VPS13C: variants seen among roughly 807,000 people sequenced by gnomAD.
The protein encoded by VPS13C is intermembrane lipid transfer protein VPS13C.
Under a neutral mutation model 456.8 loss-of-function variants are expected in VPS13C, and 358 were observed. The ratio of observed to expected loss-of-function variants is 0.78; its 90% confidence interval spans 0.72 to 0.86. The LOEUF (loss-of-function observed/expected upper bound fraction) is 0.86, where lower values mean the gene tolerates loss of function less well. VPS13C is among the 40% of genes least tolerant of loss of function. The pLI, the probability that VPS13C is intolerant of heterozygous loss-of-function variation, is 0.00. For missense variants in VPS13C, 4,818 were observed against 4,385.4 expected (o/e 1.10, Z -2.79); for synonymous variants, 1,578 against 1,486.7 (o/e 1.06, Z -1.41).
chr15:62,002,454 T>C (rs1454904146), intron 15 of VPS13C, among the ~76,000 whole-genome samples: 2 of 152,214 alleles, frequency 1.3e-5, no homozygotes, highest in Admixed American at 6.5e-5. Flanking sequence ...GAAAATTTTC[T>C]CCCATTTTGT....
Position 61,913,334 on chromosome 15 carries a change from G to C in VPS13C, c.8527C>G (p.Pro2843Ala). 6.2e-7 allele frequency: 1 copy of C among 1,614,014 alleles called. No homozygotes were observed. Among genetic ancestry groups the C allele is most frequent in the South Asian group, 1.1e-5 (1 of 91,068 alleles). Residue 2843 changes from proline to alanine, a missense_variant, in exon 62 of 85, where the codon CCT becomes GCT. By Grantham distance (27) the Pro-to-Ala change is conservative (BLOSUM62 -1). This residue lies in a region of VPS13C where 4,552 missense variants were observed against 4,130.6 expected (regional missense o/e 1.10). Coordinates refer to ENST00000644861, the MANE Select transcript of VPS13C (RefSeq NM_020821.3). The part of the protein sequence containing the change: ...TVGSYGCVKC[P>A]ANNMEYLVGV... ...ACCAGGTACTCCATATTGTTGGCAG[G>C]ACACTTCACACACCCATAACTTCCC... is the stretch of plus-strand genomic sequence containing the variant.
At chr15:61,924,868 C>A (rs2043792282) in intron 53 of VPS13C, among the ~76,000 whole-genome samples, 1 of 152,156 alleles carries the variant, frequency 6.6e-6, no homozygotes, top group Admixed American at 6.5e-5. Flanking sequence ...AAATAGATTG[C>A]AGAAAGTATT....
chr15:61,906,646 CTCTT>C (rs547182810), intron 66 of VPS13C: 25 of 153,036 alleles, frequency 1.6e-4, no homozygotes, highest in Admixed American at 4.5e-4. Flanking sequence ...ACTATTTAAA[CTCTT>C]TCATCATGGA....
Position 61,922,751 on chromosome 15 carries a change from T to C in VPS13C, c.6621A>G (p.Ile2207Met). The C allele has an allele frequency of 6.3e-7, 1 of 1,578,774 alleles. No homozygotes were observed. The highest frequency in any genetic ancestry group is 8.6e-7 in the Non-Finnish European group (1 of 1,167,212). Residue 2207 changes from isoleucine (I) to methionine (M), a missense_variant, in exon 54 of 85, where the codon ATA (isoleucine) becomes ATG (methionine). This residue lies in a region of VPS13C where 4,552 missense variants were observed against 4,130.6 expected (regional missense o/e 1.10). Coordinates refer to ENST00000644861, the MANE Select transcript of VPS13C (RefSeq NM_020821.3). ...VKEFIIKISP[I>M]ILNTVLTIMA... The stretch of plus-strand genomic sequence containing the variant: ...TGATTGTCAACACAGTATTAAGAAT[T>C]ATGGGTGAAATCTTTAAAAAAGAAA...
chr15:62,018,622 T>A (rs1190513755), intron 9 of VPS13C, among the ~76,000 whole-genome samples: 1 of 151,814 alleles, frequency 6.6e-6, no homozygotes, highest in Non-Finnish European at 1.5e-5. Flanking sequence ...CAGCCTTGCA[T>A]CCCAGGGATG....
chr15:61,980,268 A>G (rs2140380449), intron 22 of VPS13C, among the ~76,000 whole-genome samples: 1 of 151,578 alleles, frequency 6.6e-6, no homozygotes, highest in East Asian at 1.9e-4. Context: ...ACAAATCACA[A>G]TTAAAACAAT....
chr15:62,031,004 A>G (rs1484352665), intron 5 of VPS13C, among the ~76,000 whole-genome samples: 2 of 152,142 alleles, frequency 1.3e-5, no homozygotes, highest in African/African-American at 4.8e-5. Flanking sequence ...TGGCCTTACT[A>G]GGAATTTAAT....
chr15:62,058,217 G>A (rs900457952), intron 1 of VPS13C, among the ~76,000 whole-genome samples: 2 of 152,180 alleles, frequency 1.3e-5, no homozygotes, highest in Non-Finnish European at 1.5e-5. Context: ...ACTCCGGTGC[G>A]TTTTCAAGTT....
At chr15:61,949,988 G>A (rs1054948045) in intron 41 of VPS13C, among the ~76,000 whole-genome samples, 28 of 152,118 alleles carry the variant, frequency 1.8e-4, no homozygotes, top group African/African-American at 6.5e-4. Flanking sequence ...CTTGCTTTAT[G>A]CTTCAGTTAA....
At chr15:61,904,158 C>T (rs541723448) in intron 66 of VPS13C, among the ~76,000 whole-genome samples, 133 of 151,952 alleles carry the variant, frequency 8.8e-4, no homozygotes, top group African/African-American at 2.9e-3. Context: ...AAAGGCTTCA[C>T]GGCAAAGGAA....
At chr15:62,037,375 T>TAATA (rs2048084605) in intron 3 of VPS13C, among the ~76,000 whole-genome samples, 1 of 91,760 alleles carries the variant, frequency 1.1e-5, no homozygotes, top group Non-Finnish European at 2.1e-5. Context: ...TAATATATTA[T>TAATA]ATATAAATGT....
rs1293982801 is a variant in VPS13C at position 61,929,631 on chromosome 15, G to T, written c.6156C>A (p.Ala2052=). Residue 2052 remains alanine, a synonymous_variant, in exon 51 of 85, where the codon GCC becomes GCA. Transcript: ENST00000644861. ...DAVLDKLYVC[A]SVEFLMTVAD... ...CCACAGTCATCAGAAATTCCACACTGGCACATACATACAGCTTGTCAAGAA... is the reference window on the plus strand; with the variant it reads ...CCACAGTCATCAGAAATTCCACACTTGCACATACATACAGCTTGTCAAGAA... 1 of 1,613,854 alleles carries T rather than the reference G, an allele frequency of 6.2e-7. No individual in the cohort carries two copies. Among genetic ancestry groups the T allele is most frequent in the Non-Finnish European group, 8.5e-7 (1 of 1,179,990 alleles).
Position 62,060,326 on chromosome 15 carries a change from C to G in VPS13C, c.49G>C (p.Asp17His). The change falls in exon 1 of 85, where the codon GAC (aspartate) becomes CAC (histidine). Residue 17 changes from aspartate to histidine, a missense_variant. Asp to His is a moderately conservative substitution (Grantham distance 81). Transcript: ENST00000644861. ...GACTTGTTCAGGTTCTCCACATAGT[C>G]CCCCAGGAAGCGGTTCAGCAAGTCC... is the stretch of plus-strand genomic sequence containing the variant. ...VADLLNRFLG[D>H]YVENLNKSQL... 2 of 1,607,758 alleles carry G rather than the reference C, an allele frequency of 1.2e-6. No homozygotes were observed. The highest frequency in any genetic ancestry group is 1.1e-5 in the South Asian group (1 of 90,018).
At position 61,962,509 on chromosome 15, in the gene VPS13C, G is replaced by C; in HGVS notation, c.3465C>G (p.Phe1155Leu). Residue 1155 changes from phenylalanine to leucine, a missense_variant, in exon 34 of 85, where the codon TTC becomes TTG. Phe to Leu is a conservative substitution (Grantham distance 22, BLOSUM62 0). Coordinates refer to ENST00000644861, the MANE Select transcript of VPS13C (RefSeq NM_020821.3). ...CTGGATACAAATCCAAATTAAAACG[G>C]AAAACTTCATTTCCCATTATTGACA... is the stretch of plus-strand genomic sequence containing the variant. ...KAVSIMGNEV[F>L]RFNLDLYPDA... is the part of the protein sequence containing the mutation. 1 of 1,609,430 alleles carries C rather than the reference G, an allele frequency of 6.2e-7. No individual in the cohort carries two copies. Among genetic ancestry groups the C allele is most frequent in the Non-Finnish European group, 8.5e-7 (1 of 1,177,362 alleles).
At chr15:61,880,467 C>G in intron 73 of VPS13C, 142 bp downstream of exon 73, 1 of 535,308 alleles carries the variant, frequency 1.9e-6, no homozygotes, top group South Asian at 3.3e-5. Flanking sequence ...CTACAGAGAA[C>G]TGTCTTAATT....
intron 79 of VPS13C, among the ~76,000 whole-genome samples, chr15:61,870,857 G>A (rs955019279): frequency 6.6e-6 from 1 of 152,070 alleles, no homozygotes; most frequent in African/African-American, 2.4e-5. Flanking sequence ...TTTCCCTGTC[G>A]ACTAATGATG....
Position 61,973,544 on chromosome 15 carries a change from T to C in VPS13C, c.2539-12A>G, listed in dbSNP as rs1331382255. 1 of 1,604,448 alleles carries C rather than the reference T, an allele frequency of 6.2e-7. No homozygotes were observed. The highest frequency in any genetic ancestry group is 8.5e-7 in the Non-Finnish European group (1 of 1,172,298). ...GGAATTGAGGATACCTAGCAAAGAA[T>C]ACAAAAAGTTTTCTTAAAAAGGATG... On this transcript the variant is annotated splice_polypyrimidine_tract_variant and intron_variant, in intron 25 of 84. Coordinates refer to ENST00000644861, the MANE Select transcript of VPS13C (RefSeq NM_020821.3).
At chr15:62,028,242 T>C (rs952723258) in intron 6 of VPS13C, 116 bp downstream of exon 6, 7 of 1,078,750 alleles carry the variant, frequency 6.5e-6, no homozygotes, top group East Asian at 5.1e-5. Flanking sequence ...AAAACAAAAA[T>C]TGCATTTCCA....
intron 66 of VPS13C, among the ~76,000 whole-genome samples, chr15:61,897,527 T>A (rs1418868213): frequency 2.0e-5 from 3 of 151,950 alleles, no homozygotes; most frequent in African/African-American, 7.3e-5. Context: ...ATGAATGATA[T>A]GAAGCGAGAA....
Sources: allele counts gnomAD v4.1 joint callset (sites outside exome capture counted in the v4.1 genomes callset), GRCh38; gene constraint gnomAD v4.1.1; regional missense constraint gnomAD v4.1.1; transcripts MANE v1.5; gene names NCBI Gene and HGNC (gene_info 2026-07-23, HGNC 2026-07-21).